Variants in SPTBN5 observed in about 807,000 individuals in gnomAD.
SPTBN5 encodes spectrin beta, non-erythrocytic 5.
In SPTBN5, 513 loss-of-function variants were observed where a neutral mutation model predicts 477.6. The observed-to-expected ratio is 1.07, with a 90% CI of 1.00 to 1.16. SPTBN5 has a LOEUF of 1.16. Among genes scored for constraint, SPTBN5 ranks in the 50% most tolerant of loss-of-function variants. The pLI is 0.00. For missense variants in SPTBN5, 5,062 were observed against 4,731.8 expected, an observed-to-expected ratio of 1.07 and a Z score of -2.05; for synonymous variants, 2,169 against 2,011.7, an observed-to-expected ratio of 1.08 and a Z score of -2.09.
chr15:41,866,606 G>C, intron 36 of SPTBN5, 113 bp from the exon 37 acceptor site: 2 of 1,233,484 alleles, frequency 1.6e-6, no homozygotes, highest in South Asian at 1.8e-5. Flanking sequence ...GGGGCGGGCA[G>C]CACCTGGTAA....
intron 64 of SPTBN5, 60 bp downstream of exon 64, chr15:41,851,223 G>A (rs2065748622): frequency 1.9e-6 from 3 of 1,562,384 alleles, no homozygotes; most frequent in South Asian, 1.2e-5. Flanking sequence ...CTGTCCTGGG[G>A]CCCCTCTGCC....
Position 41,876,790 on chromosome 15 carries a change from A to G in SPTBN5, c.3851+19T>C. 1 of 1,609,612 alleles carries G rather than the reference A, an allele frequency of 6.2e-7. No individual in the cohort carries two copies. Among genetic ancestry groups the G allele is most frequent in the Non-Finnish European group, 8.5e-7 (1 of 1,179,690 alleles). ...AGAAAGGGTCATCTGCAGGTGCTGC[A>G]GACTGAGGCCAGGCTCACGTGTGTG... On this transcript the variant is annotated intron_variant, in intron 19 of 67. Transcript: ENST00000320955.
At chr15:41,875,222 C>T (rs951459051) in intron 22 of SPTBN5, among the ~76,000 whole-genome samples, 166 bp from the exon 23 acceptor site, 15 of 152,242 alleles carry the variant, frequency 9.9e-5, no homozygotes, top group African/African-American at 3.4e-4. Flanking sequence ...CCTGTTCCCT[C>T]ACGCTTCTTC....
At position 41,873,496 on chromosome 15, in the gene SPTBN5, T is replaced by C; in HGVS notation, c.5003A>G (p.His1668Arg). Residue 1668 changes from histidine (H) to arginine (R), a missense_variant, in exon 26 of 68, where the codon CAC (histidine) becomes CGC (arginine). His to Arg is a conservative substitution (Grantham distance 29). Transcript: ENST00000320955. ...GGGAGGCTCAGGACGTGGTACCTGGTGCTTGTTAATGAGCCTGAGGGTGGC... is the reference window on the plus strand; with the variant it reads ...GGGAGGCTCAGGACGTGGTACCTGGCGCTTGTTAATGAGCCTGAGGGTGGC... ...EAATLRLINK[H>R]QALQEELAIY... 1 of 1,551,112 alleles carries C rather than the reference T, an allele frequency of 6.4e-7. No homozygotes were observed. Among genetic ancestry groups the C allele is most frequent in the Non-Finnish European group, 8.7e-7 (1 of 1,146,510 alleles).
Position 41,866,141 on chromosome 15 carries a change from A to AG in SPTBN5, c.6718dup (p.Leu2240ProfsTer43). 6.4e-7 allele frequency: 1 copy of AG among 1,560,970 alleles called. No individual in the cohort carries two copies. The highest frequency in any genetic ancestry group is 1.9e-5 in the Admixed American group (1 of 52,512). ...GCCCCTGAGGGCCATTGCCTGCCTCAGGTCCTCCCAGTGCTTCCGCAGGCC... is the reference window on the plus strand; with the variant it reads ...GCCCCTGAGGGCCATTGCCTGCCTCAGGGTCCTCCCAGTGCTTCCGCAGGCC... On this transcript the variant is annotated frameshift_variant, in exon 38 of 68. Coordinates refer to ENST00000320955, the MANE Select transcript of SPTBN5 (RefSeq NM_016642.4). LOFTEE classifies it high-confidence loss of function.
At chr15:41,872,801 A>G (rs17737128) in intron 26 of SPTBN5, among the ~76,000 whole-genome samples, 34,824 of 152,166 alleles carry the variant, frequency 0.23, 4,930 homozygotes, top group Middle Eastern at 0.44. Flanking sequence ...AGGCAGAGTT[A>G]AACAAGCTGT....
At chr15:41,886,940 CG>C (rs1001278739) in intron 6 of SPTBN5, among the ~76,000 whole-genome samples, 33 of 152,362 alleles carry the variant, frequency 2.2e-4, no homozygotes, top group Admixed American at 9.8e-4. Flanking sequence ...GCCCGAGAGT[CG>C]GGAAGAAGGG....
chr15:41,851,409 A>G, intron 63 of SPTBN5, 40 bp from the exon 64 acceptor site: 1 of 1,447,194 alleles, frequency 6.9e-7, no homozygotes, highest in Non-Finnish European at 9.5e-7. Context: ...AGCCACACGC[A>G]GGAAGCCAGA....
Position 41,871,468 on chromosome 15 carries a change from T to C in SPTBN5, c.5354A>G (p.Gln1785Arg). The change falls in exon 29 of 68, where the codon CAG becomes CGG. Residue 1785 changes from glutamine (Q) to arginine (R), a missense_variant. By Grantham distance (43) the Gln-to-Arg change is conservative. Transcript: ENST00000320955. The part of the protein sequence containing the change: ...KFQHQVEMGS[Q>R]RVAACRLLAE... ...CAGCAGCCGGCAGGCGGCCACCCGC[T>C]GGCTGCCCATCTCCACTTGGTGCTG... The C allele has an allele frequency of 6.5e-7, 1 of 1,538,214 alleles. No individual in the cohort carries two copies. Among genetic ancestry groups the C allele is most frequent in the African/African-American group, 1.4e-5 (1 of 72,760 alleles).
At position 41,853,160 on chromosome 15, in the gene SPTBN5, C is replaced by A. The variant is rs1004335235; in HGVS notation, c.10170+98G>T. Reference sequence around the variant, plus strand: ...CTCTCCCTGCCTGCGCCCAGCCTTCCTTTCCTGCTGGTTTCCATGCCTGTG... The same window carrying A: ...CTCTCCCTGCCTGCGCCCAGCCTTCATTTCCTGCTGGTTTCCATGCCTGTG... On this transcript the variant is annotated intron_variant, in intron 59 of 67. Coordinates refer to ENST00000320955, the MANE Select transcript of SPTBN5 (RefSeq NM_016642.4). The A allele has an allele frequency of 2.0e-4, 295 of 1,503,592 alleles. 2 individuals are homozygous for A. The highest frequency in any genetic ancestry group is 2.6e-5 in the Non-Finnish European group (29 of 1,119,222). The allele number at this position is 1,503,592 out of a possible 1,614,324, so 93.1% of individuals were successfully genotyped here. A position where few individuals can be genotyped will look rare whatever the true frequency, so the allele number is the denominator to read the frequency against.
intron 17 of SPTBN5, 103 bp downstream of exon 17, chr15:41,878,239 G>T: frequency 7.2e-7 from 1 of 1,393,424 alleles, no homozygotes; most frequent in Non-Finnish European, 9.6e-7. Flanking sequence ...CCCCTCCCTG[G>T]GGAAATCACA....
chr15:41,870,078 G>T, intron 31 of SPTBN5, 58 bp from the exon 32 acceptor site: 1 of 1,454,828 alleles, frequency 6.9e-7, no homozygotes, highest in Non-Finnish European at 9.1e-7. Flanking sequence ...TTATCCCACA[G>T]ATGTATCCCT....
chr15:41,861,722 G>C lies in SPTBN5; in HGVS notation c.7737+13C>G, dbSNP rs2066114971. The stretch of plus-strand genomic sequence containing the variant: ...GGGGGCAAGATGCAGGCTGGGGATG[G>C]GACTGTGCCTGCCTGTAGCTCCAGG... On this transcript the variant is annotated intron_variant, in intron 45 of 67. Transcript: ENST00000320955. The C allele has an allele frequency of 6.5e-7, 1 of 1,536,358 alleles. No individual in the cohort carries two copies. The highest frequency in any genetic ancestry group is 8.7e-7 in the Non-Finnish European group (1 of 1,144,590).
intron 34 of SPTBN5, 85 bp downstream of exon 34, chr15:41,867,984 G>T: frequency 6.9e-7 from 1 of 1,458,534 alleles, no homozygotes; most frequent in Non-Finnish European, 9.0e-7. Context: ...AGCCAGAGAG[G>T]CAGGAGGAAA....
At chr15:41,866,318 C>A in intron 37 of SPTBN5, 26 bp downstream of exon 37, 1 of 1,574,644 alleles carries the variant, frequency 6.4e-7, no homozygotes, top group South Asian at 1.2e-5. Context: ...TTGGGGCAGG[C>A]ATGGGGCTGA....
Position 41,852,695 on chromosome 15 carries a change from T to C in SPTBN5, c.10388A>G (p.Gln3463Arg), listed in dbSNP as rs879548709. 2.5e-6 allele frequency: 4 copies of C among 1,613,204 alleles called. No individual in the cohort carries two copies. Among genetic ancestry groups the C allele is most frequent in the Non-Finnish European group, 3.4e-6 (4 of 1,179,822 alleles). ...GGCTGCCAGCAGCTTTTCTAAGTCC[T>C]GGTGTCTGTGCAGCAGCAACTCCAC... ...SDVELLLHRHQDLEKLLAAQE... is the reference protein window; with the variant it reads ...SDVELLLHRHRDLEKLLAAQE... The change falls in exon 61 of 68, where the codon CAG (glutamine) becomes CGG (arginine). Residue 3463 changes from glutamine to arginine, a missense_variant. By Grantham distance (43) the Gln-to-Arg change is conservative (BLOSUM62 1). Transcript: ENST00000320955.
At chr15:41,882,944 T>G in intron 9 of SPTBN5, 52 bp downstream of exon 9, 1 of 1,486,800 alleles carries the variant, frequency 6.7e-7, no homozygotes, top group Non-Finnish European at 9.1e-7. Flanking sequence ...GGAGATAATT[T>G]GGGTTACAGA....
At chr15:41,893,641 A>C in intron 1 of SPTBN5, 95 bp from the exon 2 acceptor site, 13 of 1,404,462 alleles carry the variant, frequency 9.3e-6, no homozygotes, top group Non-Finnish European at 1.1e-5. Flanking sequence ...CTCACATTTC[A>C]TGGGGGTTGC....
Position 41,856,558 on chromosome 15 carries a change from C to A in SPTBN5, c.8849G>T (p.Arg2950Leu), listed in dbSNP as rs145776034. Residue 2950 changes from arginine (R) to leucine (L), a missense_variant, in exon 53 of 68, where the codon CGG (arginine) becomes CTG (leucine). By Grantham distance (102) the Arg-to-Leu change is moderately radical (BLOSUM62 -2). Coordinates refer to ENST00000320955, the MANE Select transcript of SPTBN5 (RefSeq NM_016642.4). ...SEMSSHEALT[R>L]VVLGTGYKLV... is the part of the protein sequence containing the mutation. ...CTTGTACCCAGTGCCCAGCACCACC[C>A]GGGTCAGAGCCTCGTGGCTGCTCAT... 6.3e-6 allele frequency: 10 copies of A among 1,599,868 alleles called. No homozygotes were observed. In the African/African-American group the frequency reaches 9.4e-5, roughly 15 times the overall value.
Sources: gnomAD v4.1 joint callset for allele counts (sites outside exome capture counted in the v4.1 genomes callset) on GRCh38, gnomAD v4.1.1 for gene constraint, MANE v1.5 for transcripts, NCBI Gene and HGNC (gene_info 2026-07-23, HGNC 2026-07-21) for gene names.